KIF13A: variants seen among roughly 807,000 people sequenced by gnomAD.
KIF13A encodes the protein kinesin-like protein KIF13A.
In KIF13A, 79 loss-of-function variants were observed where a neutral mutation model predicts 212.2. The observed-to-expected ratio is 0.37, with a 90% confidence interval of 0.31 to 0.45. The LOEUF is 0.45. KIF13A is among the 20% of genes least tolerant of loss of function. The probability of loss-of-function intolerance (pLI) is 1.00; values close to 1 mark genes in which losing one functional copy is unlikely to be tolerated. For missense variants in KIF13A, 1,901 were observed against 2,209.0 expected (o/e 0.86, Z 2.79); for synonymous variants, 789 against 808.6 (o/e 0.98, Z 0.41).
At chr6:17,770,919 A>G (rs1214212670) in intron 38 of KIF13A, 195 bp downstream of exon 38, 4 of 526,174 alleles carry the variant, frequency 7.6e-6, no homozygotes, top group Non-Finnish European at 1.3e-5. Flanking sequence ...GCAAAAAATA[A>G]ATAAATAAAT....
intron 2 of KIF13A, among the ~76,000 whole-genome samples, chr6:17,928,695 A>C (rs77608391): frequency 0.029 from 4,395 of 152,232 alleles, 225 homozygotes; most frequent in African/African-American, 0.1. Context: ...CAAAGTAAGA[A>C]ACTGTATTTC....
At chr6:17,901,113 CA>C (rs1167306220) in intron 2 of KIF13A, among the ~76,000 whole-genome samples, 1 of 142,494 alleles carries the variant, frequency 7.0e-6, no homozygotes, top group African/African-American at 2.5e-5. Flanking sequence ...AAGGTCCAAT[CA>C]CATGCATAAT....
At chr6:17,889,739 G>A (rs185695146) in intron 3 of KIF13A, among the ~76,000 whole-genome samples, 1 of 152,324 alleles carries the variant, frequency 6.6e-6, no homozygotes, top group Admixed American at 6.5e-5. Flanking sequence ...ATCCTGGACT[G>A]TACCTGACTG....
chr6:17,946,931 G>T (rs1777453850), intron 2 of KIF13A, among the ~76,000 whole-genome samples: 1 of 152,224 alleles, frequency 6.6e-6, no homozygotes, highest in Non-Finnish European at 1.5e-5. Context: ...TGTGCAGGCG[G>T]TTGCACAACT....
chr6:17,973,818 G>C (rs1435709380), intron 2 of KIF13A, among the ~76,000 whole-genome samples: 1 of 152,146 alleles, frequency 6.6e-6, no homozygotes. Flanking sequence ...GCATGGATGT[G>C]GTCCCCATGG....
chr6:17,776,741 C>T lies in KIF13A; in HGVS notation c.4170+536G>A, dbSNP rs6902645. On this transcript the variant is annotated intron_variant, in intron 34 of 38. Coordinates refer to ENST00000259711, the MANE Select transcript of KIF13A (RefSeq NM_022113.6). This position sits in a 1 kb window ranked among gnomAD's most constrained non-coding sequence, Gnocchi z 4.6. ...AGAAGTGCTCCATGCACTAATCTGT[C>T]CTATCCCTCTGTGACAGTGTCCCCC... is the stretch of plus-strand genomic sequence containing the variant. Among the ~76,000 whole-genome samples the T allele has an allele frequency of 0.021, 3,192 of 152,294 alleles. 122 individuals are homozygous for T. Among genetic ancestry groups the T allele is most frequent in the African/African-American group, 0.071 (2,949 of 41,548 alleles).
intron 28 of KIF13A, among the ~76,000 whole-genome samples, chr6:17,784,023 C>T (rs1219218862): frequency 6.6e-6 from 1 of 152,040 alleles, no homozygotes; most frequent in African/African-American, 2.4e-5. Flanking sequence ...AGGATCAGAG[C>T]CTAGAGGAAG....
chr6:17,959,067 A>C lies in KIF13A; in HGVS notation c.146+27987T>G, dbSNP rs184886943. Among the ~76,000 whole-genome samples the C allele has an allele frequency of 7.4e-3, 1,124 of 151,940 alleles. 4 individuals carry two copies. The highest frequency in any genetic ancestry group is 0.012 in the Non-Finnish European group (830 of 67,948). Reference sequence around the variant, plus strand: ...GCCAGGCTAATTTTTTTTAAAATTTATATTTTGTAGAGATGGGGTCTCACT... The same window carrying C: ...GCCAGGCTAATTTTTTTTAAAATTTCTATTTTGTAGAGATGGGGTCTCACT... On this transcript the variant is annotated intron_variant, in intron 2 of 38. Coordinates refer to ENST00000259711, the MANE Select transcript of KIF13A (RefSeq NM_022113.6).
intron 18 of KIF13A, among the ~76,000 whole-genome samples, chr6:17,807,425 G>A (rs1403770991): frequency 1.3e-5 from 2 of 152,002 alleles, no homozygotes; most frequent in South Asian, 4.2e-4. Flanking sequence ...ACTGAGATAC[G>A]CCCTGGTCTC....
chr6:17,916,664 AAC>A (rs1774540309), intron 2 of KIF13A, among the ~76,000 whole-genome samples: 1 of 152,242 alleles, frequency 6.6e-6, no homozygotes, highest in African/African-American at 2.4e-5. Flanking sequence ...TCTTCAGAAT[AAC>A]ACAGTCTCCT....
rs1765168230 is a variant in KIF13A, at chr6:17,828,567, C to T, written c.1402-197G>A. On this transcript the variant is annotated intron_variant, in intron 13 of 38. Coordinates refer to ENST00000259711, the MANE Select transcript of KIF13A (RefSeq NM_022113.6). This position sits in a 1 kb window ranked among gnomAD's most constrained non-coding sequence, Gnocchi z 4.3. ...ACCAAATTAAAAAAAAATGTTTAAACACTACCAAAAAAAATCCCCAATCAA... is the reference window on the plus strand; with the variant it reads ...ACCAAATTAAAAAAAAATGTTTAAATACTACCAAAAAAAATCCCCAATCAA... Among the ~76,000 whole-genome samples the T allele has an allele frequency of 6.6e-6, 1 of 151,948 alleles. No homozygotes were observed. Among genetic ancestry groups the T allele is most frequent in the Non-Finnish European group, 1.5e-5 (1 of 67,980 alleles).
Position 17,849,801 on chromosome 6 carries a change from A to T in KIF13A, c.718-312T>A, listed in dbSNP as rs1428208388. Among the ~76,000 whole-genome samples the T allele has an allele frequency of 6.6e-6, 1 of 152,216 alleles. No homozygotes were observed. Among genetic ancestry groups the T allele is most frequent in the East Asian group, 1.9e-4 (1 of 5,192 alleles). On this transcript the variant is annotated intron_variant, in intron 8 of 38. Transcript: ENST00000259711. The surrounding 1 kb of genome is among the most constrained non-coding windows in gnomAD (Gnocchi z 5.7). ...TATGAGGACATGAGGATTTCTGCAC[A>T]TTCAAGTCAAATCCTTCTTCCTTTG...
chr6:17,876,568 A>T (rs1416121028), intron 3 of KIF13A, among the ~76,000 whole-genome samples: 10 of 151,886 alleles, frequency 6.6e-5, no homozygotes, highest in African/African-American at 2.4e-4. Flanking sequence ...TATGGCTCCT[A>T]TCTCAATTAT....
chr6:17,842,791 T>C (rs1766648782), intron 9 of KIF13A, among the ~76,000 whole-genome samples: 1 of 148,858 alleles, frequency 6.7e-6, no homozygotes, highest in Non-Finnish European at 1.5e-5. Flanking sequence ...GTTGGGAGGG[T>C]CAAAAGCAAA....
rs1378589217 is a variant in KIF13A, at chr6:17,834,175, GA to G, written c.1156-105del. 7.7e-5 allele frequency: 53 copies of G among 687,708 alleles called. No individual in the cohort carries two copies. The highest frequency in any genetic ancestry group is 6.2e-5 in the East Asian group (2 of 32,090). 42.6% of individuals were successfully genotyped at this position (687,708 alleles called of 1,614,324 possible). A position where few individuals can be genotyped will look rare whatever the true frequency, so the allele number is the denominator to read the frequency against. On this transcript the variant is annotated intron_variant, in intron 11 of 38. Coordinates refer to ENST00000259711, the MANE Select transcript of KIF13A (RefSeq NM_022113.6). The surrounding 1 kb of genome is among the most constrained non-coding windows in gnomAD (Gnocchi z 4.0). ...TTAAGCAGTTATCAATAGTCTGTTG[GA>G]AAAAATTAAGTTATATGCTGTTAGG...
At chr6:17,792,280 ATATACT>A (rs1394272603) in intron 25 of KIF13A, among the ~76,000 whole-genome samples, 1 of 151,382 alleles carries the variant, frequency 6.6e-6, no homozygotes, top group African/African-American at 2.4e-5. Flanking sequence ...TTGATGACCC[ATATACT>A]TATACTGCAG....
chr6:17,975,362 A>ACC (rs1449508256), intron 2 of KIF13A, among the ~76,000 whole-genome samples: 1 of 151,958 alleles, frequency 6.6e-6, no homozygotes, highest in Non-Finnish European at 1.5e-5. Flanking sequence ...GAAGCTGCGG[A>ACC]CCCTCACAAT....
At chr6:17,848,552 G>A (rs1051120723) in intron 9 of KIF13A, among the ~76,000 whole-genome samples, 1 of 140,508 alleles carries the variant, frequency 7.1e-6, no homozygotes, top group African/African-American at 2.6e-5. Context: ...ATTAAAACTC[G>A]TACATCTTTT....
At chr6:17,792,771 T>G (rs567554483) in intron 25 of KIF13A, among the ~76,000 whole-genome samples, 1 of 152,208 alleles carries the variant, frequency 6.6e-6, no homozygotes, top group Non-Finnish European at 1.5e-5. Context: ...ACAAAGCTAT[T>G]ACTGCCTTGA....
Sources: gnomAD v4.1 joint callset for allele counts (sites outside exome capture counted in the v4.1 genomes callset) on GRCh38, gnomAD v4.1.1 for gene constraint, Gnocchi (gnomAD v3.1) non-coding constraint, MANE v1.5 for transcripts, NCBI Gene and HGNC (gene_info 2026-07-23, HGNC 2026-07-21) for gene names.